NOL4L: variants seen among roughly 807,000 people sequenced by gnomAD.
NOL4L encodes the protein nucleolar protein 4-like.
A neutral mutation model predicts 64.5 loss-of-function variants in NOL4L; 7 were observed. The ratio of observed to expected loss-of-function variants is 0.11; its 90% CI spans 0.06 to 0.20. NOL4L has a LOEUF of 0.20. Among genes scored for constraint, NOL4L ranks in the 10% least tolerant of loss-of-function variants. The pLI, the probability that NOL4L is intolerant of heterozygous loss-of-function variation, is 1.00. For missense variants in NOL4L, 680 were observed against 967.1 expected, an observed-to-expected ratio of 0.70 and a Z score of 3.94; for synonymous variants, 413 against 401.0, an observed-to-expected ratio of 1.03 and a Z score of -0.36.
chr20:32,446,959 G>C lies in NOL4L; in HGVS notation c.*637C>G. 3.4e-6 allele frequency: 1 copy of C among 294,688 alleles called. No individual in the cohort carries two copies. Among genetic ancestry groups the C allele is most frequent in the South Asian group, 2.7e-5 (1 of 37,712 alleles). 18.3% of individuals were successfully genotyped at this position (294,688 alleles called of 1,614,324 possible). A position where few individuals can be genotyped will look rare whatever the true frequency, so the allele number is the denominator to read the frequency against. The stretch of plus-strand genomic sequence containing the variant: ...TGTGGCAGCACTGGGATCTGCAACA[G>C]GATGGCCTGGCCAAGGGCTAGCGGC... On this transcript the variant is annotated 3_prime_UTR_variant, in exon 11 of 11. Coordinates refer to ENST00000621426, the MANE Select transcript of NOL4L (RefSeq NM_001256798.2).
intron 1 of NOL4L, among the ~76,000 whole-genome samples, chr20:32,530,751 G>T (rs372910945): frequency 1.3e-5 from 2 of 151,914 alleles, no homozygotes; most frequent in African/African-American, 4.8e-5. Flanking sequence ...GAGAAACCCC[G>T]TCTCTACTAA....
chr20:32,483,489 C>T, intron 4 of NOL4L: 1 of 986,196 alleles, frequency 1.0e-6, no homozygotes. Context: ...GGGAGAGGGG[C>T]TGGCACCACC....
At chr20:32,527,702 T>C in intron 2 of NOL4L, 56 bp downstream of exon 2, 2 of 1,501,590 alleles carry the variant, frequency 1.3e-6, no homozygotes, top group Non-Finnish European at 1.8e-6. Context: ...GCGGAGCCCG[T>C]GGCCTCCTGC....
intron 4 of NOL4L, 165 bp from the exon 5 acceptor site, chr20:32,474,907 C>T (rs924823674): frequency 2.0e-5 from 20 of 985,316 alleles, no homozygotes; most frequent in African/African-American, 1.6e-4. Flanking sequence ...CCCCCTTGCC[C>T]GGTGGAAGTG....
At chr20:32,543,401 C>T (rs2018686191) in intron 1 of NOL4L, among the ~76,000 whole-genome samples, 1 of 152,130 alleles carries the variant, frequency 6.6e-6, no homozygotes, top group Admixed American at 6.5e-5. Context: ...GGGTGGATCA[C>T]TGAAGTCAGG....
rs569334088 is a variant in NOL4L at position 32,446,431 on chromosome 20, G to A, written c.*1165C>T. The A allele has an allele frequency of 6.6e-6, 1 of 152,332 alleles. No homozygotes were observed. Among genetic ancestry groups the A allele is most frequent in the East Asian group, 1.9e-4 (1 of 5,194 alleles). The allele number at this position is 152,332 out of a possible 1,614,324, so 9.4% of individuals were successfully genotyped here. On this transcript the variant is annotated 3_prime_UTR_variant, in exon 11 of 11. Transcript: ENST00000621426. Reference sequence around the variant, plus strand: ...GGGATGGGAGCTGCAGCCCGCCCTGGAGCTCACGGCTGCCTGATAGCCGGG... The same window carrying A: ...GGGATGGGAGCTGCAGCCCGCCCTGAAGCTCACGGCTGCCTGATAGCCGGG...
At chr20:32,454,841 A>C (rs1450807495) in intron 6 of NOL4L, among the ~76,000 whole-genome samples, 1 of 152,174 alleles carries the variant, frequency 6.6e-6, no homozygotes, top group African/African-American at 2.4e-5. Context: ...CACAGCCCGG[A>C]AGGGAACAGC....
At chr20:32,536,948 C>T in intron 1 of NOL4L, 2 of 582,414 alleles carry the variant, frequency 3.4e-6, no homozygotes, top group Non-Finnish European at 2.2e-6. Flanking sequence ...ACCTGGAGAC[C>T]GCGCCCGCGC....
intron 1 of NOL4L, among the ~76,000 whole-genome samples, chr20:32,558,588 C>A (rs11697009): frequency 6.6e-6 from 1 of 152,208 alleles, no homozygotes; most frequent in Non-Finnish European, 1.5e-5. Context: ...ACACGGCCGC[C>A]CCACCACCCC....
chr20:32,480,127 C>G (rs1350150948), intron 4 of NOL4L, among the ~76,000 whole-genome samples: 1 of 152,212 alleles, frequency 6.6e-6, no homozygotes, highest in African/African-American at 2.4e-5. Context: ...GGGTCAATTT[C>G]TCTGGAACTG....
chr20:32,524,046 G>A (rs2018040372), intron 2 of NOL4L, among the ~76,000 whole-genome samples: 1 of 152,212 alleles, frequency 6.6e-6, no homozygotes, highest in Admixed American at 6.5e-5. Context: ...AAGTGGCCTG[G>A]GCAGCTAGAT....
At chr20:32,583,242 G>T (rs571526059) in intron 1 of NOL4L, among the ~76,000 whole-genome samples, 1,629 of 151,690 alleles carry the variant, frequency 0.011, 17 homozygotes, top group Non-Finnish European at 0.016. Context: ...CTGGGCGCGG[G>T]GGGAGGCGCC....
chr20:32,550,823 T>C (rs1276607265), intron 1 of NOL4L, among the ~76,000 whole-genome samples: 1 of 151,708 alleles, frequency 6.6e-6, no homozygotes, highest in East Asian at 1.9e-4. Context: ...GAGGTTGCAG[T>C]GAGCCAAGAT....
intron 1 of NOL4L, among the ~76,000 whole-genome samples, chr20:32,569,430 C>T (rs1304042424): frequency 6.6e-6 from 1 of 152,064 alleles, no homozygotes; most frequent in Non-Finnish European, 1.5e-5. Flanking sequence ...CAGTGTGAAG[C>T]GGGGCGGAAG....
chr20:32,453,291 AG>A lies in NOL4L; in HGVS notation c.1497+12del, dbSNP rs1302596426. 6.2e-7 allele frequency: 1 copy of A among 1,610,792 alleles called. No homozygotes were observed. Among genetic ancestry groups the A allele is most frequent in the Non-Finnish European group, 8.5e-7 (1 of 1,177,572 alleles). On this transcript the variant is annotated intron_variant, in intron 8 of 10. Coordinates refer to ENST00000621426, the MANE Select transcript of NOL4L (RefSeq NM_001256798.2). The surrounding 1 kb of genome is among the most constrained non-coding windows in gnomAD (Gnocchi z 5.6). ...CACCGAGGGAAAGTGTGGGCCAGGC[AG>A]GGGGGACTCACCATCTCCATGCCGT...
chr20:32,529,688 G>A (rs1268635819), intron 1 of NOL4L, among the ~76,000 whole-genome samples: 4 of 152,210 alleles, frequency 2.6e-5, no homozygotes, highest in South Asian at 2.1e-4. Context: ...AGCGGGCAGT[G>A]TCCCTAAGTG....
intron 2 of NOL4L, among the ~76,000 whole-genome samples, chr20:32,524,144 A>G (rs1600827796): frequency 6.6e-6 from 1 of 152,168 alleles, no homozygotes. Flanking sequence ...AAGGGTGCAG[A>G]AATCAGAAAA....
At chr20:32,494,729 T>G (rs2016617531) in intron 4 of NOL4L, among the ~76,000 whole-genome samples, 4 of 152,170 alleles carry the variant, frequency 2.6e-5, no homozygotes, top group African/African-American at 9.7e-5. Context: ...ATCAACACAA[T>G]GCCTCGAATG....
intron 4 of NOL4L, among the ~76,000 whole-genome samples, chr20:32,502,518 G>T (rs1014277174): frequency 6.6e-6 from 1 of 152,092 alleles, no homozygotes; most frequent in African/African-American, 2.4e-5. Flanking sequence ...GCCTGAATCC[G>T]GGAGGCGGAG....
Sources: allele counts gnomAD v4.1 joint callset (sites outside exome capture counted in the v4.1 genomes callset), GRCh38; gene constraint gnomAD v4.1.1; non-coding constraint Gnocchi (gnomAD v3.1); transcripts MANE v1.5; gene names NCBI Gene and HGNC (gene_info 2026-07-23, HGNC 2026-07-21).